DIAPH3: variants seen among roughly 807,000 people sequenced by gnomAD.
DIAPH3 encodes protein diaphanous homolog 3.
In DIAPH3, 117 loss-of-function variants were observed where a neutral mutation model predicts 144.3. That is an observed-to-expected ratio of 0.81 (90% CI 0.70 to 0.95). The LOEUF (loss-of-function observed/expected upper bound fraction) is 0.95. Among genes scored for constraint, DIAPH3 ranks in the 40% least tolerant of loss-of-function variants. The pLI is 0.00. For synonymous variants in DIAPH3, 519 were observed against 488.9 expected (o/e 1.06, Z -0.81); for missense variants, 1,421 against 1,412.7 (o/e 1.01, Z -0.09).
Position 60,074,040 on chromosome 13 carries a change from T to C in DIAPH3, c.495+19588A>G, listed in dbSNP as rs150115418. On this transcript the variant is annotated intron_variant, in intron 4 of 27. Transcript: ENST00000400324. Reference sequence around the variant, plus strand: ...CTAAAGGGATATTTTCTGGTACTAATGCTGAAAACTTTGATAAAGGAGGCC... The same window carrying C: ...CTAAAGGGATATTTTCTGGTACTAACGCTGAAAACTTTGATAAAGGAGGCC... 6.6e-4 allele frequency among the ~76,000 whole-genome samples: 100 copies of C among 152,308 alleles called. 2 individuals are homozygous for C. The highest frequency in any genetic ancestry group is 1.1e-3 in the Non-Finnish European group (75 of 68,012).
At chr13:59,945,413 G>A (rs1330754322) in intron 17 of DIAPH3, among the ~76,000 whole-genome samples, 2 of 152,190 alleles carry the variant, frequency 1.3e-5, no homozygotes, top group Admixed American at 6.5e-5. Flanking sequence ...AGCTAGGACA[G>A]TACCTTTCAT....
chr13:60,061,592 C>T (rs2141295515), intron 4 of DIAPH3, among the ~76,000 whole-genome samples: 1 of 150,846 alleles, frequency 6.6e-6, no homozygotes, highest in East Asian at 2.0e-4. Flanking sequence ...CATTTGATCA[C>T]AAAACATGCC....
intron 5 of DIAPH3, among the ~76,000 whole-genome samples, chr13:60,016,631 T>C (rs1160992184): frequency 1.3e-5 from 2 of 152,102 alleles, no homozygotes. Context: ...AGAAAAAGAT[T>C]ACTGGCAAAA....
At chr13:59,889,340 A>G (rs1188640870) in intron 20 of DIAPH3, among the ~76,000 whole-genome samples, 2 of 152,080 alleles carry the variant, frequency 1.3e-5, no homozygotes, top group African/African-American at 4.8e-5. Flanking sequence ...TAATCACTAT[A>G]AAACTGCCTT....
At chr13:59,816,890 T>C (rs2040804049) in intron 24 of DIAPH3, among the ~76,000 whole-genome samples, 1 of 151,906 alleles carries the variant, frequency 6.6e-6, no homozygotes, top group South Asian at 2.1e-4. Context: ...TATAAATTTA[T>C]ACCATTTTTA....
chr13:59,781,364 T>C (rs907248300), intron 25 of DIAPH3, among the ~76,000 whole-genome samples: 13 of 152,310 alleles, frequency 8.5e-5, no homozygotes, highest in African/African-American at 2.6e-4. Flanking sequence ...AACATGCAAG[T>C]GTCTATACAT....
At chr13:59,754,424 A>T (rs1373234805) in intron 27 of DIAPH3, among the ~76,000 whole-genome samples, 1 of 152,134 alleles carries the variant, frequency 6.6e-6, no homozygotes, top group Non-Finnish European at 1.5e-5. Flanking sequence ...TTGGCATCTT[A>T]TCTTTCTAAA....
intron 27 of DIAPH3, among the ~76,000 whole-genome samples, chr13:59,717,036 A>G (rs907795425): frequency 2.6e-5 from 4 of 152,192 alleles, no homozygotes; most frequent in Non-Finnish European, 5.9e-5. Flanking sequence ...TGCAACAGAA[A>G]CAAAGAACAG....
chr13:59,731,726 C>T (rs7320342), intron 27 of DIAPH3, among the ~76,000 whole-genome samples: 5,119 of 152,100 alleles, frequency 0.034, 303 homozygotes, highest in African/African-American at 0.12. Context: ...TATCTATAGT[C>T]CTATATAGTT....
intron 5 of DIAPH3, among the ~76,000 whole-genome samples, chr13:60,025,397 T>C (rs1304673533): frequency 8.2e-6 from 1 of 122,626 alleles, no homozygotes; most frequent in Non-Finnish European, 1.6e-5. Flanking sequence ...TTTCTAGTTG[T>C]GCTTAGCAAA....
At position 60,005,751 on chromosome 13, in the gene DIAPH3, G is replaced by A. The variant is rs181369967; in HGVS notation, c.1014+2793C>T. 8.0e-3 allele frequency among the ~76,000 whole-genome samples: 1,212 copies of A among 152,212 alleles called. 6 individuals are homozygous for A. Among genetic ancestry groups the A allele is most frequent in the Non-Finnish European group, 0.011 (730 of 67,998 alleles). Reference sequence around the variant, plus strand: ...CCGCCTTGGCCTCCCAAAGTGCTAGGATTACAGGCATGAGCCACCACAACC... The same window carrying A: ...CCGCCTTGGCCTCCCAAAGTGCTAGAATTACAGGCATGAGCCACCACAACC... On this transcript the variant is annotated intron_variant, in intron 9 of 27. Coordinates refer to ENST00000400324, the MANE Select transcript of DIAPH3 (RefSeq NM_001042517.2).
At chr13:60,055,060 T>C (rs752441243) in intron 4 of DIAPH3, among the ~76,000 whole-genome samples, 2 of 151,906 alleles carry the variant, frequency 1.3e-5, no homozygotes, top group Non-Finnish European at 2.9e-5. Context: ...ATGAGTATCA[T>C]TACGTGCCAA....
intron 18 of DIAPH3, among the ~76,000 whole-genome samples, chr13:59,923,273 T>C (rs1347929469): frequency 6.6e-6 from 1 of 152,196 alleles, no homozygotes; most frequent in Admixed American, 6.6e-5. Flanking sequence ...ACTAGTAATT[T>C]GTAATGCAGG....
intron 27 of DIAPH3, among the ~76,000 whole-genome samples, chr13:59,668,757 A>G (rs2138576454): frequency 6.6e-6 from 1 of 152,224 alleles, no homozygotes; most frequent in East Asian, 1.9e-4. Flanking sequence ...CAGAATTTTT[A>G]GTCAGTGGTT....
In DIAPH3 at chr13:59,982,142, C is replaced by A. The variant is rs191301009; in HGVS notation, c.1481-1283G>T. Among the ~76,000 whole-genome samples, 8 of 151,516 alleles carry A rather than the reference C, an allele frequency of 5.3e-5. No individual in the cohort carries two copies. In the East Asian group the frequency reaches 1.2e-3, roughly 22 times the overall value. ...ATGACATTCTCTTCTGTATTTAAAT[C>A]TTTTGTATTTACTTATGAGATTATT... On this transcript the variant is annotated intron_variant, in intron 13 of 27. Coordinates refer to ENST00000400324, the MANE Select transcript of DIAPH3 (RefSeq NM_001042517.2).
intron 1 of DIAPH3, among the ~76,000 whole-genome samples, chr13:60,133,494 CTT>C: frequency 6.6e-6 from 1 of 152,170 alleles, no homozygotes; most frequent in Admixed American, 6.5e-5. Flanking sequence ...GCTTAATTAA[CTT>C]AAACAATTCT....
At chr13:60,071,827 A>G (rs1346282031) in intron 4 of DIAPH3, among the ~76,000 whole-genome samples, 1 of 152,000 alleles carries the variant, frequency 6.6e-6, no homozygotes, top group Non-Finnish European at 1.5e-5. Context: ...ATCTAATCTA[A>G]TCAATCTAAT....
intron 17 of DIAPH3, among the ~76,000 whole-genome samples, chr13:59,929,650 C>T (rs1425964329): frequency 3.4e-5 from 5 of 149,128 alleles, no homozygotes; most frequent in African/African-American, 1.2e-4. Flanking sequence ...GCAACCTCCG[C>T]CTCCCAGGTT....
chr13:59,895,444 CA>C (rs149290420), intron 20 of DIAPH3, among the ~76,000 whole-genome samples: 16 of 127,954 alleles, frequency 1.3e-4, no homozygotes, highest in East Asian at 2.4e-4. Flanking sequence ...AAAAAAAAAA[CA>C]AAAAAAAAAC....
Sources: allele counts gnomAD v4.1 joint callset (sites outside exome capture counted in the v4.1 genomes callset), GRCh38; gene constraint gnomAD v4.1.1; transcripts MANE v1.5; gene names NCBI Gene and HGNC (gene_info 2026-07-23, HGNC 2026-07-21).